Variants in TULP4 observed in about 807,000 individuals in gnomAD.
TULP4 encodes the protein tubby-related protein 4.
In TULP4, 16 loss-of-function variants were observed where a neutral mutation model predicts 129.0. The ratio of observed to expected loss-of-function variants is 0.12; its 90% confidence interval spans 0.08 to 0.19. The LOEUF (loss-of-function observed/expected upper bound fraction) is 0.19. Among genes scored for constraint, TULP4 ranks in the 10% least tolerant of loss-of-function variants. TULP4 has a pLI of 1.00. For synonymous variants in TULP4, 998 were observed against 854.0 expected (o/e 1.17, Z -2.94); for missense variants, 1,842 against 2,059.1 (o/e 0.89, Z 2.04).
At chr6:158,348,690 C>T (rs1780379960) in intron 1 of TULP4, among the ~76,000 whole-genome samples, 1 of 152,172 alleles carries the variant, frequency 6.6e-6, no homozygotes, top group Non-Finnish European at 1.5e-5. Flanking sequence ...GTCGCTGTCT[C>T]TTCGGAGCTG....
At chr6:158,308,851 A>G (rs1305716755), upstream of TULP4, among the ~76,000 whole-genome samples, 53 of 65,166 alleles carry the variant, frequency 8.1e-4, no homozygotes, top group Admixed American at 1.2e-3. Context: ...GGCGCCCCTT[A>G]CCTCCCGGAC....
At chr6:158,462,974 G>A (rs955669674) in intron 6 of TULP4, among the ~76,000 whole-genome samples, 2 of 150,838 alleles carry the variant, frequency 1.3e-5, no homozygotes, top group African/African-American at 4.9e-5. Flanking sequence ...GGCTGGTATT[G>A]AACTCCCGAC....
intron 9 of TULP4, among the ~76,000 whole-genome samples, chr6:158,492,476 T>C (rs1780238222): frequency 6.6e-6 from 1 of 152,272 alleles, no homozygotes; most frequent in Non-Finnish European, 1.5e-5. Context: ...TAAAATTGCA[T>C]GTAACATTAT....
intron 1 of TULP4, among the ~76,000 whole-genome samples, chr6:158,345,525 G>T (rs771334818): frequency 1.3e-5 from 2 of 152,210 alleles, no homozygotes; most frequent in African/African-American, 4.8e-5. Flanking sequence ...TCACATATCG[G>T]TAGGACCGTG....
At chr6:158,237,854 G>C (rs556251100) in intron 1 of TULP4, 3 of 752,450 alleles carry the variant, frequency 4.0e-6, no homozygotes, top group South Asian at 2.7e-5. Context: ...CCTTTCTCTG[G>C]ATCTGCAAGT....
chr6:158,287,726 G>A (rs184403516), intron 1 of TULP4, among the ~76,000 whole-genome samples: 2 of 152,318 alleles, frequency 1.3e-5, no homozygotes, highest in East Asian at 3.9e-4. Flanking sequence ...GATGAGCATT[G>A]TACTTGGATG....
chr6:158,489,637 C>G lies in TULP4; in HGVS notation c.1536C>G (p.Asn512Lys). 1 of 1,614,242 alleles carries G rather than the reference C, an allele frequency of 6.2e-7. No homozygotes were observed. ...SLISTVIDSCNCSDSSDIELS... is the reference protein window; with the variant it reads ...SLISTVIDSCKCSDSSDIELS... ...TTTCTACTGTGATCGACAGCTGCAA[C>G]TGCTCAGACTCCAGTGACATTGAGC... Residue 512 changes from asparagine to lysine, a missense_variant, in exon 9 of 14, where the codon AAC becomes AAG. Physicochemically the swap from Asn to Lys is moderately conservative, Grantham distance 94. This residue lies in a region of TULP4 where 456 missense variants were observed against 534.3 expected (regional missense o/e 0.85). Coordinates refer to ENST00000367097, the MANE Select transcript of TULP4 (RefSeq NM_020245.5).
intron 1 of TULP4, among the ~76,000 whole-genome samples, chr6:158,374,023 G>GCC (rs1777129094): frequency 6.6e-6 from 1 of 152,154 alleles, no homozygotes; most frequent in Non-Finnish European, 1.5e-5. Flanking sequence ...CTGCTAGTTG[G>GCC]AAATCTTGAT....
intron 1 of TULP4, among the ~76,000 whole-genome samples, chr6:158,258,720 G>A (rs781557814): frequency 9.9e-5 from 15 of 152,202 alleles, no homozygotes; most frequent in Non-Finnish European, 2.2e-4. Context: ...GCCATCACCA[G>A]TGCTAACAAA....
chr6:158,309,826 C>T (rs905860547), upstream of TULP4, among the ~76,000 whole-genome samples: 6 of 147,604 alleles, frequency 4.1e-5, no homozygotes, highest in Middle Eastern at 6.9e-3. Context: ...TGCAGTGAGC[C>T]GAGATGGCAG....
intron 8 of TULP4, among the ~76,000 whole-genome samples, chr6:158,488,664 G>C (rs1311738382): frequency 6.6e-6 from 1 of 152,196 alleles, no homozygotes; most frequent in Non-Finnish European, 1.5e-5. Flanking sequence ...ATTTCATTGT[G>C]ATTGAATGAT....
intron 1 of TULP4, among the ~76,000 whole-genome samples, chr6:158,410,147 C>T (rs1330999814): frequency 1.3e-5 from 2 of 152,220 alleles, no homozygotes; most frequent in African/African-American, 2.4e-5. Flanking sequence ...AGCCACCGCA[C>T]CTGGCCACTG....
chr6:158,506,529 C>A (rs368253714), intron 13 of TULP4, 49 bp from the exon 14 acceptor site: 4 of 1,297,944 alleles, frequency 3.1e-6, no homozygotes, highest in African/African-American at 1.5e-5. Context: ...CTGCGCCTGG[C>A]CTTTTCACCT....
chr6:158,329,654 C>T (rs6455577), intron 1 of TULP4, among the ~76,000 whole-genome samples: 130,905 of 152,024 alleles, frequency 0.86, 56,793 homozygotes, highest in South Asian at 0.93. Context: ...ATTGTCTCTC[C>T]ATTCACTTGA....
chr6:158,438,321 C>T (rs1305578783), intron 3 of TULP4, among the ~76,000 whole-genome samples: 1 of 151,952 alleles, frequency 6.6e-6, no homozygotes, highest in Non-Finnish European at 1.5e-5. Context: ...CATTTCCTTC[C>T]ATAACCACAG....
intron 1 of TULP4, among the ~76,000 whole-genome samples, chr6:158,391,076 AAAAAAT>A (rs1777573533): frequency 6.6e-6 from 1 of 152,204 alleles, no homozygotes; most frequent in Admixed American, 6.5e-5. Flanking sequence ...CTCCAACTCT[AAAAAAT>A]AATAATAATA....
chr6:158,454,520 A>G (rs199792833), intron 5 of TULP4, among the ~76,000 whole-genome samples: 5 of 151,712 alleles, frequency 3.3e-5, no homozygotes, highest in Non-Finnish European at 7.4e-5. Context: ...TTTACGGGGG[A>G]ATTTTTCCAG....
intron 5 of TULP4, among the ~76,000 whole-genome samples, chr6:158,453,922 C>A (rs757978252): frequency 6.6e-6 from 1 of 151,592 alleles, no homozygotes; most frequent in South Asian, 2.1e-4. Context: ...CACTGCATTC[C>A]GGCCTGGGCA....
At chr6:158,423,018 T>C (rs1778386899) in intron 2 of TULP4, among the ~76,000 whole-genome samples, 1 of 151,398 alleles carries the variant, frequency 6.6e-6, no homozygotes, top group Admixed American at 6.6e-5. Flanking sequence ...GGCTCACGCC[T>C]GTAATCCAAG....
Sources: allele counts gnomAD v4.1 joint callset (sites outside exome capture counted in the v4.1 genomes callset), GRCh38; gene constraint gnomAD v4.1.1; regional missense constraint gnomAD v4.1.1; transcripts MANE v1.5; gene names NCBI Gene and HGNC (gene_info 2026-07-23, HGNC 2026-07-21).